The following EPS8L3 variants were observed in gnomAD, a reference collection of about 807,000 sequenced individuals.
EPS8L3 encodes the protein epidermal growth factor receptor kinase substrate 8-like protein 3.
Under a neutral mutation model 88.5 loss-of-function variants are expected in EPS8L3, and 80 were observed. That is an observed-to-expected ratio of 0.90 (90% CI 0.75 to 1.09). The LOEUF (loss-of-function observed/expected upper bound fraction) is 1.09, where lower values mean the gene tolerates loss of function less well. EPS8L3 is among the 50% of genes least tolerant of loss of function. The pLI is 0.00. For synonymous variants in EPS8L3, 286 were observed against 291.0 expected (o/e 0.98, Z 0.18); for missense variants, 721 against 735.2 (o/e 0.98, Z 0.22).
rs1304441930 is a variant in EPS8L3 at position 109,759,995 on chromosome 1, T to A, written c.97-159A>T. 4 of 713,176 alleles carry A rather than the reference T, an allele frequency of 5.6e-6. No homozygotes were observed. Among genetic ancestry groups the A allele is most frequent in the African/African-American group, 5.4e-5 (3 of 55,688 alleles). 44.2% of individuals were successfully genotyped at this position (713,176 alleles called of 1,614,324 possible). On this transcript the variant is annotated intron_variant, in intron 3 of 18. Coordinates refer to ENST00000361965, the MANE Select transcript of EPS8L3 (RefSeq NM_133181.4). This position sits in a 1 kb window ranked among gnomAD's most constrained non-coding sequence, Gnocchi z 4.2. ...AGATAAAGCAACTTTCCAGGGCCAA[T>A]GTGAGGGACGGTGTCGAAGCACTGG...
intron 16 of EPS8L3, 125 bp from the exon 17 acceptor site, chr1:109,751,476 C>T (rs1038455230): frequency 5.9e-6 from 8 of 1,357,964 alleles, no homozygotes; most frequent in Non-Finnish European, 8.2e-6. Flanking sequence ...GCTTTCTGGT[C>T]TGGCAGGGAG....
rs746556085 is a variant in EPS8L3, at chr1:109,759,734, C to T, written c.199G>A (p.Asp67Asn). ...MDAQGRVWSQ[D>N]LILQVRDGWL... ...CCGTCCCTGACCTGCAGGATCAAGT[C>T]TTGGCTCCACACCCGGCCCTGTGCA... Residue 67 changes from aspartate (D) to asparagine (N), a missense_variant, in exon 4 of 19, where the codon GAC becomes AAC. Physicochemically the swap from Asp to Asn is conservative, Grantham distance 23. Coordinates refer to ENST00000361965, the MANE Select transcript of EPS8L3 (RefSeq NM_133181.4). The surrounding 1 kb of genome is among the most constrained non-coding windows in gnomAD (Gnocchi z 4.2). 77 of 1,613,994 alleles carry T rather than the reference C, an allele frequency of 4.8e-5. No individual in the cohort carries two copies. The highest frequency in any genetic ancestry group is 6.3e-5 in the Non-Finnish European group (74 of 1,180,036).
At chr1:109,758,265 CT>C in intron 8 of EPS8L3, 50 bp downstream of exon 8, 2 of 1,550,736 alleles carry the variant, frequency 1.3e-6, no homozygotes, top group Non-Finnish European at 1.8e-6. Flanking sequence ...GGTGTCCTTC[CT>C]TTTCCCAGGC....
intron 1 of EPS8L3, 46 bp from the exon 2 acceptor site, chr1:109,761,819 G>T (rs1651001042): frequency 3.9e-6 from 6 of 1,557,926 alleles, no homozygotes; most frequent in Admixed American, 1.7e-5. Flanking sequence ...GCTGGGGAAA[G>T]GTGTACCAGG....
intron 12 of EPS8L3, among the ~76,000 whole-genome samples, chr1:109,755,933 C>T (rs926072142): frequency 1.3e-5 from 2 of 152,274 alleles, no homozygotes; most frequent in African/African-American, 4.8e-5. Context: ...CTCTGCTCTT[C>T]AGGTTCTCCT....
Position 109,751,277 on chromosome 1 carries a change from C to A in EPS8L3, c.1637+1G>T. 6.2e-7 allele frequency: 1 copy of A among 1,613,552 alleles called. No homozygotes were observed. The highest frequency in any genetic ancestry group is 8.5e-7 in the Non-Finnish European group (1 of 1,179,740). On this transcript the variant is annotated splice_donor_variant, in intron 17 of 18. Coordinates refer to ENST00000361965, the MANE Select transcript of EPS8L3 (RefSeq NM_133181.4). LOFTEE classifies it high-confidence loss of function. ...CATATCCTGTAGGGCCAGGCACTCACGCAGTGGAGAAGTTCTCTGCCTGCA... is the reference window on the plus strand; with the variant it reads ...CATATCCTGTAGGGCCAGGCACTCAAGCAGTGGAGAAGTTCTCTGCCTGCA...
In EPS8L3 at chr1:109,759,660, T is replaced by C. The variant is rs752072017; in HGVS notation, c.255+18A>G. On this transcript the variant is annotated intron_variant, in intron 4 of 18. Coordinates refer to ENST00000361965, the MANE Select transcript of EPS8L3 (RefSeq NM_133181.4). The surrounding 1 kb of genome is among the most constrained non-coding windows in gnomAD (Gnocchi z 4.2). Reference sequence around the variant, plus strand: ...ACAGCCCAGGCTGGCTATCACTGGGTTTGCTGGGAAGGCTGACCTTGGTCT... The same window carrying C: ...ACAGCCCAGGCTGGCTATCACTGGGCTTGCTGGGAAGGCTGACCTTGGTCT... 6.2e-7 allele frequency: 1 copy of C among 1,611,734 alleles called. No homozygotes were observed. Among genetic ancestry groups the C allele is most frequent in the South Asian group, 1.1e-5 (1 of 90,856 alleles).
chr1:109,757,090 G>C lies in EPS8L3; in HGVS notation c.1045C>G (p.Leu349Val). ...GGTGGGCTTAGACAGGACTGTAGCAGGTTGATAGCTTTAGGGGTGAGGAGG... is the reference window on the plus strand; with the variant it reads ...GGTGGGCTTAGACAGGACTGTAGCACGTTGATAGCTTTAGGGGTGAGGAGG... ...SPLLTPKAIN[L>V]LQSCLSPPES... Residue 349 changes from leucine (L) to valine (V), a missense_variant, in exon 12 of 19, where the codon CTG becomes GTG. Physicochemically the swap from Leu to Val is conservative, Grantham distance 32. Transcript: ENST00000361965. 1 of 1,614,198 alleles carries C rather than the reference G, an allele frequency of 6.2e-7. No homozygotes were observed. Among genetic ancestry groups the C allele is most frequent in the Non-Finnish European group, 8.5e-7 (1 of 1,180,010 alleles).
chr1:109,755,349 G>C (rs984810050), intron 12 of EPS8L3, among the ~76,000 whole-genome samples: 2 of 152,130 alleles, frequency 1.3e-5, no homozygotes, highest in African/African-American at 4.8e-5. Flanking sequence ...GTTAATGAAC[G>C]TATTGCCACT....
At chr1:109,751,839 C>G in intron 15 of EPS8L3, 57 bp from the exon 16 acceptor site, 1 of 1,605,940 alleles carries the variant, frequency 6.2e-7, no homozygotes, top group Non-Finnish European at 8.5e-7. Context: ...CCTTCCCTCC[C>G]CACACAAGGC....
chr1:109,757,957 G>A lies in EPS8L3; in HGVS notation c.819C>T (p.Asn273=), dbSNP rs1650459346. ...CTCAGTACTCACCTCCCTGGTCCTT[G>A]TTTTTTTTCCCAAATTTCTTCTTCC... ...TSRKKKFGKK[N]KDQGGLTQAQ... The change falls in exon 9 of 19, where the codon AAC becomes AAT. Residue 273 remains asparagine (N), a synonymous_variant. Transcript: ENST00000361965. 1 of 1,613,734 alleles carries A rather than the reference G, an allele frequency of 6.2e-7. No homozygotes were observed. The highest frequency in any genetic ancestry group is 8.5e-7 in the Non-Finnish European group (1 of 1,179,718).
chr1:109,757,504 T>A lies in EPS8L3; in HGVS notation c.946A>T (p.Ile316Phe). The A allele has an allele frequency of 6.2e-7, 1 of 1,614,108 alleles. No homozygotes were observed. Among genetic ancestry groups the A allele is most frequent in the African/African-American group, 1.3e-5 (1 of 75,032 alleles). The part of the protein sequence containing the change: ...KETSAPELVH[I>F]LFKSLNFILA... ...ACGAAGTTCAGGGACTTGAAGAGGA[T>A]GTGTACGAGCTCAGGGGCACTTGTC... The change falls in exon 11 of 19, where the codon ATC becomes TTC. Residue 316 changes from isoleucine to phenylalanine, a missense_variant. Ile to Phe is a conservative substitution (Grantham distance 21). Coordinates refer to ENST00000361965, the MANE Select transcript of EPS8L3 (RefSeq NM_133181.4).
At chr1:109,751,185 G>T in intron 17 of EPS8L3, 93 bp downstream of exon 17, 3 of 1,122,192 alleles carry the variant, frequency 2.7e-6, no homozygotes, top group Non-Finnish European at 3.9e-6. Flanking sequence ...CATGTACAAT[G>T]TAGGCCAGGT....
chr1:109,757,291 C>T lies in EPS8L3; in HGVS notation c.970-126G>A, dbSNP rs867565030. 7.3e-5 allele frequency: 92 copies of T among 1,267,460 alleles called. No homozygotes were observed. The South Asian group carries it at 1.2e-3, about 17-fold the overall frequency. 78.5% of individuals were successfully genotyped at this position (1,267,460 alleles called of 1,614,324 possible). Reference sequence around the variant, plus strand: ...AGGATGTTACCTCCTGCAAGGGGCCCCATCTGCCTTGGGCCTGCTGCTCCT... The same window carrying T: ...AGGATGTTACCTCCTGCAAGGGGCCTCATCTGCCTTGGGCCTGCTGCTCCT... On this transcript the variant is annotated intron_variant, in intron 11 of 18. Coordinates refer to ENST00000361965, the MANE Select transcript of EPS8L3 (RefSeq NM_133181.4).
intron 12 of EPS8L3, among the ~76,000 whole-genome samples, chr1:109,756,226 C>T (rs1189934954): frequency 2.0e-5 from 3 of 152,110 alleles, no homozygotes; most frequent in African/African-American, 4.8e-5. Context: ...GGCTCTCATC[C>T]GTTTGGTTTT....
At position 109,758,340 on chromosome 1, in the gene EPS8L3, G is replaced by A; in HGVS notation, c.693C>T (p.Ser231=). 1 of 1,613,662 alleles carries A rather than the reference G, an allele frequency of 6.2e-7. No homozygotes were observed. Among genetic ancestry groups the A allele is most frequent in the Non-Finnish European group, 8.5e-7 (1 of 1,179,856 alleles). Residue 231 remains serine (S), a synonymous_variant, in exon 8 of 19, where the codon TCC becomes TCT. Coordinates refer to ENST00000361965, the MANE Select transcript of EPS8L3 (RefSeq NM_133181.4). ...FTLPPPRRSS[S]PEDPERDEEV... ...CCTCGTCCCTCTCTGGGTCCTCGGG[G>A]GAAGAGGACCGCCTTGGAGGAGGCA... is the stretch of plus-strand genomic sequence containing the variant.
intron 14 of EPS8L3, 147 bp downstream of exon 14, chr1:109,752,539 G>A: frequency 1.4e-6 from 1 of 725,120 alleles, no homozygotes; most frequent in Non-Finnish European, 2.3e-6. Context: ...TTCACCCAAG[G>A]TAGGAGAGGG....
At chr1:109,750,423 A>G (rs1367952985) in intron 18 of EPS8L3, 21 bp from the exon 19 acceptor site, 2 of 1,613,270 alleles carry the variant, frequency 1.2e-6, no homozygotes, top group Middle Eastern at 1.7e-4. Context: ...ACAAAGATTC[A>G]GATGAGGCTG....
chr1:109,750,394 A>C lies in EPS8L3; in HGVS notation c.1779T>G (p.Pro593=), dbSNP rs1252157653. 6.2e-7 allele frequency: 1 copy of C among 1,613,666 alleles called. No individual in the cohort carries two copies. The highest frequency in any genetic ancestry group is 2.2e-5 in the East Asian group (1 of 44,890). ...EAVRRMLGIS[P] ...TTGGAGGTGTCTAAGCTGGTGCCTA[A>C]GGGCTTATCTGAGGAAAGACAAAGA... Residue 593 remains proline, a synonymous_variant, in exon 19 of 19, where the codon CCT becomes CCG. Coordinates refer to ENST00000361965, the MANE Select transcript of EPS8L3 (RefSeq NM_133181.4).
Sources: gnomAD v4.1 joint callset for allele counts (sites outside exome capture counted in the v4.1 genomes callset) on GRCh38, gnomAD v4.1.1 for gene constraint, Gnocchi (gnomAD v3.1) non-coding constraint, MANE v1.5 for transcripts, NCBI Gene and HGNC (gene_info 2026-07-23, HGNC 2026-07-21) for gene names.